NUP35: variants seen among roughly 807,000 people sequenced by gnomAD.
NUP35 encodes nucleoporin NUP35.
A neutral mutation model predicts 41.5 loss-of-function variants in NUP35; 25 were observed. The ratio of observed to expected loss-of-function variants is 0.60; its 90% CI spans 0.44 to 0.84. The LOEUF is 0.84. NUP35 is among the 40% of genes least tolerant of loss of function. The pLI is 0.00. For missense variants in NUP35, 396 were observed against 396.6 expected (o/e 1.00, Z 0.01); for synonymous variants, 149 against 130.7 (o/e 1.14, Z -0.96).
chr2:183,132,647 CTGA>C (rs909541857), intron 3 of NUP35, among the ~76,000 whole-genome samples: 3 of 152,184 alleles, frequency 2.0e-5, no homozygotes, highest in African/African-American at 7.2e-5. Context: ...TATTACTTCT[CTGA>C]TGATACAGAC....
upstream of NUP35, among the ~76,000 whole-genome samples, chr2:183,120,735 T>C (rs552858281): frequency 6.6e-6 from 1 of 152,092 alleles, no homozygotes; most frequent in Non-Finnish European, 1.5e-5. Flanking sequence ...AGTGAGAGAG[T>C]TGGGCTCTGA....
chr2:183,128,929 T>C (rs940760565), intron 2 of NUP35, among the ~76,000 whole-genome samples: 1 of 152,248 alleles, frequency 6.6e-6, no homozygotes, highest in Non-Finnish European at 1.5e-5. Context: ...AATTGGCTTT[T>C]AAGTACCACT....
chr2:183,125,272 G>A (rs1021155556), intron 1 of NUP35, among the ~76,000 whole-genome samples: 17 of 151,858 alleles, frequency 1.1e-4, no homozygotes, highest in African/African-American at 4.1e-4. Context: ...ACAGCACGCG[G>A]ATTTCTTTTT....
At chr2:183,133,465 G>A in intron 3 of NUP35, 101 bp from the exon 4 acceptor site, 1 of 897,616 alleles carries the variant, frequency 1.1e-6, no homozygotes, top group Non-Finnish European at 1.7e-6. Flanking sequence ...GGCATCTCTA[G>A]CACATGATAA....
chr2:183,143,695 C>A (rs994246696), intron 4 of NUP35, among the ~76,000 whole-genome samples: 2 of 152,116 alleles, frequency 1.3e-5, no homozygotes, highest in Non-Finnish European at 2.9e-5. Context: ...GAGGCCTGGT[C>A]TGTAAGCCCT....
intron 5 of NUP35, among the ~76,000 whole-genome samples, chr2:183,152,601 A>C (rs1228462332): frequency 6.6e-6 from 1 of 152,214 alleles, no homozygotes; most frequent in African/African-American, 2.4e-5. Flanking sequence ...AATAATTTGC[A>C]GTCCCATTCA....
At chr2:183,150,063 C>A (rs912167824) in intron 4 of NUP35, among the ~76,000 whole-genome samples, 2 of 152,090 alleles carry the variant, frequency 1.3e-5, no homozygotes, top group Non-Finnish European at 2.9e-5. Flanking sequence ...TGCACCACCA[C>A]ACCTGGCTAA....
At chr2:183,130,885 T>G in intron 3 of NUP35, 1 of 873,104 alleles carries the variant, frequency 1.1e-6, no homozygotes, top group Non-Finnish European at 1.5e-6. Context: ...ATATTTAATA[T>G]TTAAAAATTA....
chr2:183,137,427 T>G (rs1018325569), intron 4 of NUP35, among the ~76,000 whole-genome samples: 1 of 150,932 alleles, frequency 6.6e-6, no homozygotes, highest in Non-Finnish European at 1.5e-5. Flanking sequence ...CAAAAAAAAA[T>G]TTTTTAAATT....
chr2:183,121,915 T>TTTTTTATTATTATTATTA (rs143821626), upstream of NUP35, among the ~76,000 whole-genome samples: 14 of 145,322 alleles, frequency 9.6e-5, no homozygotes, highest in African/African-American at 3.5e-4. Context: ...GGCCATTCTT[T>TTTTTTATTATTATTATTA]TTATTATTAT....
intron 4 of NUP35, among the ~76,000 whole-genome samples, chr2:183,148,549 G>C (rs559889247): frequency 3.9e-5 from 6 of 152,234 alleles, no homozygotes; most frequent in African/African-American, 1.4e-4. Context: ...CTGATGATTT[G>C]TGATGTTGAG....
rs78224043 is a variant in NUP35 at position 183,150,375 on chromosome 2, T to G, written c.398-1133T>G. On this transcript the variant is annotated intron_variant, in intron 4 of 8. Transcript: ENST00000295119. Reference sequence around the variant, plus strand: ...CCTCTCTGCTCGCATCTCCTTGTTCTCATCTCACATCCCCCTCACTGTGCA... The same window carrying G: ...CCTCTCTGCTCGCATCTCCTTGTTCGCATCTCACATCCCCCTCACTGTGCA... 6.1e-3 allele frequency among the ~76,000 whole-genome samples: 924 copies of G among 152,330 alleles called. 5 individuals are homozygous for G. Among genetic ancestry groups the G allele is most frequent in the Middle Eastern group, 0.01 (3 of 294 alleles).
intron 1 of NUP35, among the ~76,000 whole-genome samples, chr2:183,125,635 A>G (rs1684438840): frequency 6.6e-6 from 1 of 152,228 alleles, no homozygotes; most frequent in South Asian, 2.1e-4. Flanking sequence ...AGAGATCAAA[A>G]ACTCTTCATT....
chr2:183,158,853 TTC>T (rs1685767718), intron 7 of NUP35, among the ~76,000 whole-genome samples: 1 of 152,202 alleles, frequency 6.6e-6, no homozygotes, highest in Non-Finnish European at 1.5e-5. Context: ...TTCAAAATAT[TTC>T]TGTTTAAAAC....
At position 183,133,561 on chromosome 2, in the gene NUP35, T is replaced by C. The variant is rs1260386982; in HGVS notation, c.340-5T>C. 3 of 1,602,214 alleles carry C rather than the reference T, an allele frequency of 1.9e-6. No homozygotes were observed. Among genetic ancestry groups the C allele is most frequent in the Non-Finnish European group, 2.6e-6 (3 of 1,174,478 alleles). Reference sequence around the variant, plus strand: ...TTACCATAACACTTTCTTCTGTTTGTGTAGCCAAACATTTCAGTAATGCAG... The same window carrying C: ...TTACCATAACACTTTCTTCTGTTTGCGTAGCCAAACATTTCAGTAATGCAG... On this transcript the variant is annotated splice_region_variant and splice_polypyrimidine_tract_variant and intron_variant, in intron 3 of 8. Transcript: ENST00000295119.
chr2:183,135,076 T>C (rs926319441), intron 4 of NUP35, among the ~76,000 whole-genome samples: 1 of 152,196 alleles, frequency 6.6e-6, no homozygotes, highest in African/African-American at 2.4e-5. Context: ...TTAAAGACCC[T>C]TGTGAATACA....
At chr2:183,140,475 A>G (rs766940709) in intron 4 of NUP35, among the ~76,000 whole-genome samples, 5 of 152,170 alleles carry the variant, frequency 3.3e-5, no homozygotes, top group Non-Finnish European at 5.9e-5. Context: ...GCTACCATTG[A>G]GTGGTCTCTA....
chr2:183,143,809 G>T (rs1004784725), intron 4 of NUP35, among the ~76,000 whole-genome samples: 1 of 152,094 alleles, frequency 6.6e-6, no homozygotes, highest in Non-Finnish European at 1.5e-5. Flanking sequence ...TGTCAGTAGG[G>T]GTTTGCAAGG....
chr2:183,145,567 C>T (rs538496486), intron 4 of NUP35, among the ~76,000 whole-genome samples: 1 of 152,138 alleles, frequency 6.6e-6, no homozygotes, highest in Admixed American at 6.5e-5. Flanking sequence ...TACATTTGTA[C>T]AAATAAAAAG....
Sources: allele counts gnomAD v4.1 joint callset (sites outside exome capture counted in the v4.1 genomes callset), GRCh38; gene constraint gnomAD v4.1.1; transcripts MANE v1.5; gene names NCBI Gene and HGNC (gene_info 2026-07-23, HGNC 2026-07-21).